CREB1: variants seen among roughly 807,000 people sequenced by gnomAD.
CREB1 encodes cyclic AMP-responsive element-binding protein 1.
In CREB1, 2 loss-of-function variants were observed where a neutral mutation model predicts 42.0. The ratio of observed to expected loss-of-function variants is 0.05; its 90% CI spans 0.02 to 0.15. The LOEUF is 0.15. Ranked by LOEUF, CREB1 falls within the 10% of genes least tolerant of loss-of-function variation. The pLI, the probability that CREB1 is intolerant of heterozygous loss-of-function variation, is 1.00. For missense variants in CREB1, 199 were observed against 388.9 expected, an observed-to-expected ratio of 0.51 and a Z score of 4.11; for synonymous variants, 123 against 139.9, an observed-to-expected ratio of 0.88 and a Z score of 0.85.
chr2:207,550,729 A>T (rs981049083), intron 1 of CREB1: 3 of 152,230 alleles, frequency 2.0e-5, no homozygotes, highest in Non-Finnish European at 4.4e-5. Flanking sequence ...GTAAGGAAAC[A>T]GTGGTGCCAG....
At position 207,584,124 on chromosome 2, in the gene CREB1, C is replaced by T. The variant is rs140193229; in HGVS notation, c.839+6469C>T. On this transcript the variant is annotated intron_variant, in intron 7 of 7. Transcript: ENST00000353267. ...TAGAGAAATAAAGTTACTATCAACA[C>T]ATAAAGGTTTTTATATGAACTTTCC... 3.8e-4 allele frequency among the ~76,000 whole-genome samples: 58 copies of T among 152,312 alleles called. No individual in the cohort carries two copies. The East Asian group carries it at 0.011, about 29-fold the overall frequency.
chr2:207,550,046 A>G (rs977509082), intron 1 of CREB1, among the ~76,000 whole-genome samples: 11 of 152,234 alleles, frequency 7.2e-5, no homozygotes, highest in Non-Finnish European at 1.5e-4. Flanking sequence ...ATACAGGCAC[A>G]ACATAACTGT....
rs200642983 is a variant in CREB1 at position 207,540,322 on chromosome 2, C to T, written c.-9+10188C>T. Among the ~76,000 whole-genome samples the T allele has an allele frequency of 1.3e-4, 20 of 151,958 alleles. No homozygotes were observed. In the East Asian group the frequency reaches 1.7e-3, roughly 13 times the overall value. ...TTGACCCTGTGTAGGCCTAGGCTAA[C>T]GTGTGAATGTCTTTTTAACAAAAAA... On this transcript the variant is annotated intron_variant, in intron 1 of 7. Transcript: ENST00000353267.
chr2:207,557,612 C>T (rs898386638), intron 2 of CREB1, among the ~76,000 whole-genome samples: 10 of 151,430 alleles, frequency 6.6e-5, no homozygotes, highest in African/African-American at 2.2e-4. Flanking sequence ...AACCCGAGAC[C>T]GCACCACTGC....
At chr2:207,547,730 AAG>A (rs2081348741) in intron 1 of CREB1, among the ~76,000 whole-genome samples, 1 of 152,022 alleles carries the variant, frequency 6.6e-6, no homozygotes, top group Non-Finnish European at 1.5e-5. Context: ...CACATACATG[AAG>A]ACTTGTTTCA....
intron 3 of CREB1, among the ~76,000 whole-genome samples, chr2:207,561,786 G>T (rs2081968248): frequency 6.6e-6 from 1 of 152,126 alleles, no homozygotes; most frequent in African/African-American, 2.4e-5. Context: ...GAGGGGAGAA[G>T]TGCTGTCTTT....
At chr2:207,540,409 G>A (rs1171032041) in intron 1 of CREB1, among the ~76,000 whole-genome samples, 1 of 151,918 alleles carries the variant, frequency 6.6e-6, no homozygotes, top group Non-Finnish European at 1.5e-5. Flanking sequence ...GGGAGGCTGA[G>A]TCAGGCGGGT....
At chr2:207,547,701 A>G (rs992613111) in intron 1 of CREB1, among the ~76,000 whole-genome samples, 1 of 152,058 alleles carries the variant, frequency 6.6e-6, no homozygotes, top group Non-Finnish European at 1.5e-5. Flanking sequence ...TTTGCTAAGC[A>G]ACACTGTCTC....
chr2:207,534,154 G>T (rs962805455), intron 1 of CREB1, among the ~76,000 whole-genome samples: 1 of 152,180 alleles, frequency 6.6e-6, no homozygotes, highest in African/African-American at 2.4e-5. Flanking sequence ...AGAATTGTGG[G>T]GGTTAACTAT....
intron 2 of CREB1, among the ~76,000 whole-genome samples, chr2:207,557,644 C>T (rs1014760155): frequency 4.6e-5 from 7 of 151,904 alleles, no homozygotes; most frequent in Non-Finnish European, 7.4e-5. Context: ...GGTGACAGAG[C>T]GAGACTCCAT....
In CREB1 at chr2:207,570,243, G is replaced by C; in HGVS notation, c.427G>C (p.Glu143Gln). ...GCCAAGGATTGAAGAAGAGAAGTCT[G>C]AAGAGGAGACTTCAGCACCTGCCAT... Reference protein sequence around the residue: ...GVPRIEEEKSEEETSAPAITT... With the variant: ...GVPRIEEEKSQEETSAPAITT... The change falls in exon 5 of 8, where the codon GAA (glutamate) becomes CAA (glutamine). Residue 143 changes from glutamate to glutamine, a missense_variant. Physicochemically the swap from Glu to Gln is conservative, Grantham distance 29. This residue lies in a region of CREB1 where 66 missense variants were observed against 150.8 expected (regional missense o/e 0.44). Coordinates refer to ENST00000353267, the MANE Select transcript of CREB1 (RefSeq NM_004379.5). 6.2e-7 allele frequency: 1 copy of C among 1,613,772 alleles called. No homozygotes were observed.
chr2:207,539,709 A>G (rs2106362098), intron 1 of CREB1, among the ~76,000 whole-genome samples: 1 of 152,314 alleles, frequency 6.6e-6, no homozygotes, highest in South Asian at 2.1e-4. Context: ...ACTGTCTTGA[A>G]GAGCTACAGA....
In CREB1 at chr2:207,570,343, T is replaced by C. The variant is rs766917972; in HGVS notation, c.505+22T>C. The stretch of plus-strand genomic sequence containing the variant: ...TATAGTGAGTAATAGACAATTTCTG[T>C]TTCTATTGTGAGGAGAAAAAAGTGA... On this transcript the variant is annotated intron_variant, in intron 5 of 7. Coordinates refer to ENST00000353267, the MANE Select transcript of CREB1 (RefSeq NM_004379.5). 5.3e-5 allele frequency: 84 copies of C among 1,572,416 alleles called. 2 individuals are homozygous for C. In the Middle Eastern group the frequency reaches 6.8e-4, roughly 13 times the overall value.
In CREB1 at chr2:207,530,145, CAGG is replaced by C; in HGVS notation, c.-9+21_-9+23del. On this transcript the variant is annotated intron_variant, in intron 1 of 7. Transcript: ENST00000353267. Reference sequence around the variant, plus strand: ...GAGCTTGTACCACCGGTAAGAGGAGCAGGAGGAGGAGGCAGGAGCCAGAGAGAG... The same window carrying C: ...GAGCTTGTACCACCGGTAAGAGGAGCAGGAGGAGGCAGGAGCCAGAGAGAG... The C allele has an allele frequency of 6.5e-6, 1 of 153,156 alleles. No individual in the cohort carries two copies. Among genetic ancestry groups the C allele is most frequent in the Non-Finnish European group, 1.5e-5 (1 of 68,588 alleles). 9.5% of individuals were successfully genotyped at this position (153,156 alleles called of 1,614,324 possible).
intron 7 of CREB1, among the ~76,000 whole-genome samples, chr2:207,595,276 G>T (rs1258367240): frequency 6.6e-6 from 1 of 152,010 alleles, no homozygotes; most frequent in Non-Finnish European, 1.5e-5. Flanking sequence ...TTACAGGCAT[G>T]AGCCACCGCA....
intron 1 of CREB1, among the ~76,000 whole-genome samples, chr2:207,534,939 C>T (rs2080808082): frequency 6.6e-6 from 1 of 152,152 alleles, no homozygotes; most frequent in Admixed American, 6.5e-5. Flanking sequence ...TGCTTTACCC[C>T]CACCACTTAA....
intron 2 of CREB1, among the ~76,000 whole-genome samples, chr2:207,556,487 A>G (rs2081728827): frequency 2.0e-5 from 3 of 152,218 alleles, no homozygotes; most frequent in South Asian, 4.1e-4. Context: ...GCTCTGATAT[A>G]TGTAGCTTCA....
In CREB1 at chr2:207,543,847, C is replaced by G. The variant is rs7590024; in HGVS notation, c.-8-11781C>G. 8.6e-3 allele frequency among the ~76,000 whole-genome samples: 1,311 copies of G among 152,310 alleles called. 19 individuals carry two copies. Among genetic ancestry groups the G allele is most frequent in the African/African-American group, 0.03 (1,250 of 41,564 alleles). ...ATCGATTTCTTGACCTTGTGATCTGCCCACCTCAGCCTCCCAGAGTGCTGG... is the reference window on the plus strand; with the variant it reads ...ATCGATTTCTTGACCTTGTGATCTGGCCACCTCAGCCTCCCAGAGTGCTGG... On this transcript the variant is annotated intron_variant, in intron 1 of 7. Coordinates refer to ENST00000353267, the MANE Select transcript of CREB1 (RefSeq NM_004379.5).
chr2:207,592,883 A>T (rs1182941935), intron 7 of CREB1, among the ~76,000 whole-genome samples: 2 of 88,330 alleles, frequency 2.3e-5, no homozygotes, highest in African/African-American at 8.8e-5. Context: ...ACTGCACTCC[A>T]GCCTGGCGAC....
Sources: gnomAD v4.1 joint callset for allele counts (sites outside exome capture counted in the v4.1 genomes callset) on GRCh38, gnomAD v4.1.1 for gene constraint, gnomAD v4.1.1 regional missense constraint, MANE v1.5 for transcripts, NCBI Gene and HGNC (gene_info 2026-07-23, HGNC 2026-07-21) for gene names.